The following TXNDC16 variants were observed in gnomAD, a reference collection of about 807,000 sequenced individuals.
TXNDC16 encodes the protein thioredoxin domain containing 16, also known as thioredoxin domain-containing protein 16.
Under a neutral mutation model 85.6 loss-of-function variants are expected in TXNDC16, and 74 were observed. The observed-to-expected ratio is 0.86, with a 90% CI of 0.72 to 1.05. The LOEUF (loss-of-function observed/expected upper bound fraction) is 1.05. Ranked by LOEUF, TXNDC16 falls within the 50% of genes least tolerant of loss-of-function variation. The probability of loss-of-function intolerance (pLI) is 0.00; values close to 1 mark genes in which losing one functional copy is unlikely to be tolerated. For synonymous variants in TXNDC16, 335 were observed against 326.5 expected, an observed-to-expected ratio of 1.03 and a Z score of -0.28; for missense variants, 959 against 947.0, an observed-to-expected ratio of 1.01 and a Z score of -0.17.
intron 16 of TXNDC16, 72 bp downstream of exon 16, chr14:52,469,959 AAAAGAT>A: frequency 7.4e-7 from 1 of 1,347,362 alleles, no homozygotes. Context: ...CTATAATTTA[AAAAGAT>A]ATTCTTAAAA....
In TXNDC16 at chr14:52,440,751, T is replaced by TA. The variant is rs765655860; in HGVS notation, c.1843-28dup. 1.6e-5 allele frequency: 25 copies of TA among 1,595,734 alleles called. No homozygotes were observed. The African/African-American group carries it at 3.4e-4, about 22-fold the overall frequency. ...TGTCAAAGAAAAGGAATAACAACAA[T>TA]AAAAAATGCATTGGGGATGATAATG... On this transcript the variant is annotated intron_variant, in intron 18 of 20. Transcript: ENST00000281741.
At position 52,521,578 on chromosome 14, in the gene TXNDC16, G is replaced by A. The variant is rs144080824; in HGVS notation, c.393-2285C>T. Among the ~76,000 whole-genome samples the A allele has an allele frequency of 2.2e-3, 340 of 152,202 alleles. 3 individuals are homozygous for A. Among genetic ancestry groups the A allele is most frequent in the African/African-American group, 7.9e-3 (329 of 41,510 alleles). On this transcript the variant is annotated intron_variant, in intron 6 of 20. Coordinates refer to ENST00000281741, the MANE Select transcript of TXNDC16 (RefSeq NM_020784.3). ...AATGAAAGTGAAAAAGCCAAATAAT[G>A]CCTTAGTATTACTATAAAAATATTT...
At chr14:52,545,005 T>C (rs2037912762) in intron 1 of TXNDC16, among the ~76,000 whole-genome samples, 1 of 152,162 alleles carries the variant, frequency 6.6e-6, no homozygotes. Context: ...CATCCACTAT[T>C]TTCTTCATAT....
intron 14 of TXNDC16, among the ~76,000 whole-genome samples, chr14:52,478,494 T>C (rs2036068759): frequency 6.6e-6 from 1 of 152,036 alleles, no homozygotes; most frequent in Admixed American, 6.6e-5. Flanking sequence ...AAATGGGAGA[T>C]ATCACACTGA....
intron 12 of TXNDC16, among the ~76,000 whole-genome samples, chr14:52,486,394 C>T (rs1037491722): frequency 2.6e-5 from 4 of 151,778 alleles, no homozygotes; most frequent in African/African-American, 9.7e-5. Context: ...AGTAATCCTC[C>T]CACCTCAGCC....
At chr14:52,455,877 T>C (rs2035520771) in intron 17 of TXNDC16, among the ~76,000 whole-genome samples, 1 of 152,188 alleles carries the variant, frequency 6.6e-6, no homozygotes, top group African/African-American at 2.4e-5. Context: ...TGTTTTTATT[T>C]AACTTTCAGA....
intron 16 of TXNDC16, among the ~76,000 whole-genome samples, chr14:52,461,467 T>A (rs1374665122): frequency 6.6e-6 from 1 of 152,216 alleles, no homozygotes; most frequent in Non-Finnish European, 1.5e-5. Context: ...GACATTTTAT[T>A]ATTATTTAAC....
At chr14:52,443,703 C>G (rs1460885758) in intron 18 of TXNDC16, among the ~76,000 whole-genome samples, 1 of 152,194 alleles carries the variant, frequency 6.6e-6, no homozygotes, top group East Asian at 1.9e-4. Context: ...CATAAGTATT[C>G]TAGCTCCTGG....
At chr14:52,513,648 C>G (rs963076832) in intron 8 of TXNDC16, among the ~76,000 whole-genome samples, 5 of 148,396 alleles carry the variant, frequency 3.4e-5, no homozygotes, top group East Asian at 2.0e-4. Flanking sequence ...TATACATATT[C>G]TGTGTGTGTG....
In TXNDC16 at chr14:52,440,353, C is replaced by A. The variant is rs548201312; in HGVS notation, c.2003+211G>T. 4.6e-5 allele frequency among the ~76,000 whole-genome samples: 7 copies of A among 152,198 alleles called. No individual in the cohort carries two copies. The East Asian group carries it at 1.4e-3, about 29-fold the overall frequency. On this transcript the variant is annotated intron_variant, in intron 19 of 20. Transcript: ENST00000281741. ...CTTTTAAAAAGTAGAACAATTATTT[C>A]TTTTAAAATTTTACTGTAGAATAAA...
rs948418989 is a variant in TXNDC16, at chr14:52,529,993, CATAT to C, written c.392+6722_392+6725del. The stretch of plus-strand genomic sequence containing the variant: ...ATATAACAATATGTAATATATAATT[CATAT>C]ATATAATATATATTATATATTATAT... On this transcript the variant is annotated intron_variant, in intron 6 of 20. Transcript: ENST00000281741. Among the ~76,000 whole-genome samples the C allele has an allele frequency of 9.2e-4, 70 of 75,820 alleles. 7 individuals carry two copies. The Admixed American group carries it at 0.014, about 16-fold the overall frequency. The allele number at this position is 75,820 out of a possible 152,430, so 49.7% of individuals were successfully genotyped here.
intron 9 of TXNDC16, among the ~76,000 whole-genome samples, chr14:52,492,354 G>A (rs2036427040): frequency 1.3e-5 from 2 of 152,082 alleles, no homozygotes; most frequent in African/African-American, 4.8e-5. Context: ...CAAAAAGCAG[G>A]CCAGGCCCAG....
chr14:52,482,218 A>T lies in TXNDC16; in HGVS notation c.1312+12T>A. 6.2e-7 allele frequency: 1 copy of T among 1,608,408 alleles called. No homozygotes were observed. The highest frequency in any genetic ancestry group is 1.1e-5 in the South Asian group (1 of 90,334). On this transcript the variant is annotated intron_variant, in intron 14 of 20. Coordinates refer to ENST00000281741, the MANE Select transcript of TXNDC16 (RefSeq NM_020784.3). ...AATCAGAATAATAAGCATGCATAGC[A>T]CAGTACACTACCTTTCAGTTTAACT... is the stretch of plus-strand genomic sequence containing the variant.
intron 9 of TXNDC16, among the ~76,000 whole-genome samples, chr14:52,505,262 A>T (rs2036767704): frequency 6.6e-6 from 1 of 152,198 alleles, no homozygotes; most frequent in Admixed American, 6.5e-5. Context: ...AATCAACACA[A>T]TATACATTCT....
At chr14:52,506,676 C>T (rs201371483) in intron 9 of TXNDC16, among the ~76,000 whole-genome samples, 11,815 of 141,914 alleles carry the variant, frequency 0.083, 934 homozygotes, top group East Asian at 0.14. Context: ...CCTGCCTCAG[C>T]CTCCCGAGTA....
chr14:52,549,356 C>T (rs756080337), intron 1 of TXNDC16, among the ~76,000 whole-genome samples: 9 of 152,148 alleles, frequency 5.9e-5, no homozygotes, highest in African/African-American at 9.6e-5. Context: ...AGAATGGCTC[C>T]GTGAGACAAT....
At chr14:52,464,658 G>GC (rs2035730680) in intron 16 of TXNDC16, among the ~76,000 whole-genome samples, 1 of 151,996 alleles carries the variant, frequency 6.6e-6, no homozygotes, top group Admixed American at 6.6e-5. Context: ...AAGGCCAGGT[G>GC]CGGTGGCTCA....
intron 4 of TXNDC16, among the ~76,000 whole-genome samples, chr14:52,538,971 T>A (rs945506743): frequency 6.6e-6 from 1 of 152,230 alleles, no homozygotes; most frequent in Non-Finnish European, 1.5e-5. Context: ...AAAAATTTTT[T>A]AAGTTACAGC....
At chr14:52,524,260 TAA>T (rs1300390079) in intron 6 of TXNDC16, among the ~76,000 whole-genome samples, 1 of 152,228 alleles carries the variant, frequency 6.6e-6, no homozygotes, top group African/African-American at 2.4e-5. Flanking sequence ...TGTTAAAGAA[TAA>T]AATATTAGTG....
Sources: gnomAD v4.1 joint callset for allele counts (sites outside exome capture counted in the v4.1 genomes callset) on GRCh38, gnomAD v4.1.1 for gene constraint, MANE v1.5 for transcripts, NCBI Gene and HGNC (gene_info 2026-07-23, HGNC 2026-07-21) for gene names.